The following MCM9 variants were observed in gnomAD, a reference collection of about 807,000 sequenced individuals.
MCM9 encodes the protein DNA helicase MCM9.
Under a neutral mutation model 72.8 loss-of-function variants are expected in MCM9, and 55 were observed. The observed-to-expected ratio is 0.76, with a 90% CI of 0.61 to 0.95. The LOEUF is 0.95. Ranked by LOEUF, MCM9 falls within the 40% of genes least tolerant of loss-of-function variation. The pLI is 0.00. For missense variants in MCM9, 1,279 were observed against 1,377.0 expected (o/e 0.93, Z 1.13); for synonymous variants, 480 against 503.4 (o/e 0.95, Z 0.62).
chr6:118,835,567 T>A (rs1164707976), intron 9 of MCM9, among the ~76,000 whole-genome samples: 1 of 152,234 alleles, frequency 6.6e-6, no homozygotes, highest in Non-Finnish European at 1.5e-5. Context: ...ATGTTTCACA[T>A]CCCTTGTAAG....
intron 8 of MCM9, among the ~76,000 whole-genome samples, chr6:118,862,313 T>A (rs1217593972): frequency 1.3e-5 from 2 of 152,140 alleles, no homozygotes; most frequent in East Asian, 3.9e-4. Context: ...CCCTGCCAGC[T>A]CCATGGAGCG....
chr6:118,831,942 G>T (rs888216773), intron 9 of MCM9, among the ~76,000 whole-genome samples: 2 of 152,106 alleles, frequency 1.3e-5, no homozygotes, highest in Non-Finnish European at 2.9e-5. Flanking sequence ...CTTCCCCAAG[G>T]TTACACTGAG....
chr6:118,880,308 G>A (rs1439917796), intron 8 of MCM9, among the ~76,000 whole-genome samples: 2 of 152,180 alleles, frequency 1.3e-5, no homozygotes, highest in Admixed American at 1.3e-4. Flanking sequence ...GGAACTGTTG[G>A]AAACTCGAGG....
chr6:118,911,599 T>G (rs1780548330), intron 8 of MCM9, 51 bp downstream of exon 8: 1 of 1,558,398 alleles, frequency 6.4e-7, no homozygotes, highest in African/African-American at 1.4e-5. Flanking sequence ...AAAACCATTG[T>G]GTTAACTTCT....
chr6:118,848,020 T>A (rs1367976833), intron 9 of MCM9, among the ~76,000 whole-genome samples: 2 of 151,826 alleles, frequency 1.3e-5, no homozygotes, highest in Non-Finnish European at 2.9e-5. Flanking sequence ...TTCAAGACAA[T>A]AATCAGGAGC....
intron 8 of MCM9, among the ~76,000 whole-genome samples, chr6:118,898,057 T>C (rs1779554311): frequency 1.3e-5 from 2 of 152,206 alleles, no homozygotes; most frequent in Admixed American, 1.3e-4. Context: ...AGAAAGAATT[T>C]ATCTTCCCAG....
chr6:118,840,127 T>C (rs746434359), intron 9 of MCM9, among the ~76,000 whole-genome samples: 2 of 151,784 alleles, frequency 1.3e-5, no homozygotes, highest in Non-Finnish European at 2.9e-5. Flanking sequence ...GTCCAGAGAG[T>C]GACTTAATAC....
At chr6:118,831,624 TA>T (rs199563290) in intron 9 of MCM9, among the ~76,000 whole-genome samples, 14,837 of 151,868 alleles carry the variant, frequency 0.098, 1,144 homozygotes, top group African/African-American at 0.2. Flanking sequence ...AAACATTTTT[TA>T]AAAAAACTAA....
At position 118,856,371 on chromosome 6, in the gene MCM9, C is replaced by A; in HGVS notation, c.1325G>T (p.Gly442Val). 1 of 1,529,416 alleles carries A rather than the reference C, an allele frequency of 6.5e-7. No individual in the cohort carries two copies. The highest frequency in any genetic ancestry group is 1.2e-5 in the South Asian group (1 of 82,452). The allele number at this position is 1,529,416 out of a possible 1,614,324, so 94.7% of individuals were successfully genotyped here. ...CCATAGATTTTAAAGAAACTCTTAC[C>A]CAGCCTTAGCAACACTTATGGTTTG... ...EQQTISVAKA[G>V]LVCKLNTRTT... Residue 442 changes from glycine (G) to valine (V), a missense_variant and splice_region_variant, in exon 9 of 14, where the codon GGC becomes GTC. By Grantham distance (109) the Gly-to-Val change is moderately radical. Transcript: ENST00000619706.
chr6:118,855,931 T>C (rs934242169), intron 9 of MCM9, among the ~76,000 whole-genome samples: 3 of 152,218 alleles, frequency 2.0e-5, no homozygotes, highest in Middle Eastern at 3.2e-3. Context: ...TATTTACTAT[T>C]TAGTATTCCA....
chr6:118,816,044 T>C lies in MCM9; in HGVS notation c.2212A>G (p.Arg738Gly). ...TCAAACCAATCTAAACTGTCATCTC[T>C]GTTATTTTTGTGCTGAGCTGAATGT... ...RKHSAQHKNN[R>G]DDSLDWFDFM... Residue 738 changes from arginine to glycine, a missense_variant, in exon 14 of 14, where the codon AGA (arginine) becomes GGA (glycine). Coordinates refer to ENST00000619706, the MANE Select transcript of MCM9 (RefSeq NM_017696.3). 6.4e-7 allele frequency: 1 copy of C among 1,550,464 alleles called. No individual in the cohort carries two copies. The highest frequency in any genetic ancestry group is 8.7e-7 in the Non-Finnish European group (1 of 1,146,882).
At chr6:118,865,490 C>T (rs1369928058) in intron 8 of MCM9, among the ~76,000 whole-genome samples, 1 of 152,162 alleles carries the variant, frequency 6.6e-6, no homozygotes, top group African/African-American at 2.4e-5. Flanking sequence ...ACGGCTACAT[C>T]CCCTTGGAAA....
chr6:118,903,887 C>T (rs1469463836), intron 8 of MCM9, among the ~76,000 whole-genome samples: 1 of 152,044 alleles, frequency 6.6e-6, no homozygotes, highest in Non-Finnish European at 1.5e-5. Context: ...GTGCTCAGAG[C>T]GTGAAAAGAT....
At position 118,815,639 on chromosome 6, in the gene MCM9, G is replaced by A. The variant is rs754525843; in HGVS notation, c.2617C>T (p.Pro873Ser). Residue 873 changes from proline to serine, a missense_variant, in exon 14 of 14, where the codon CCT becomes TCT. Physicochemically the swap from Pro to Ser is moderately conservative, Grantham distance 74. Transcript: ENST00000619706. ...STRVPAQCTVPSHPQSTPVHS... is the reference protein window; with the variant it reads ...STRVPAQCTVSSHPQSTPVHS... ...ACAGGAGTGGACTGAGGATGGGAAG[G>A]GACTGTGCACTGTGCAGGCACCCTG... 108 of 1,550,322 alleles carry A rather than the reference G, an allele frequency of 7.0e-5. 2 individuals carry two copies. The South Asian group carries it at 1.2e-3, about 18-fold the overall frequency.
intron 8 of MCM9, among the ~76,000 whole-genome samples, chr6:118,858,967 T>C (rs1303143147): frequency 2.0e-5 from 3 of 152,214 alleles, no homozygotes; most frequent in Middle Eastern, 3.4e-3. Flanking sequence ...GCAAAGGAGA[T>C]AGAAGAGCCA....
intron 8 of MCM9, among the ~76,000 whole-genome samples, chr6:118,906,457 C>G (rs952090193): frequency 6.6e-6 from 1 of 152,254 alleles, no homozygotes; most frequent in East Asian, 1.9e-4. Context: ...TGATTCTGTT[C>G]ATTTCAACCT....
At chr6:118,837,564 C>T (rs1775048334) in intron 9 of MCM9, among the ~76,000 whole-genome samples, 1 of 152,170 alleles carries the variant, frequency 6.6e-6, no homozygotes, top group Non-Finnish European at 1.5e-5. Context: ...GTATTGGTTG[C>T]ATATATATTC....
chr6:118,930,825 C>T (rs1327070379), intron 3 of MCM9, among the ~76,000 whole-genome samples: 1 of 152,160 alleles, frequency 6.6e-6, no homozygotes, highest in Non-Finnish European at 1.5e-5. Context: ...ATCCATCCTA[C>T]TAAAAAATCA....
chr6:118,883,908 A>G (rs1369529243), intron 8 of MCM9, among the ~76,000 whole-genome samples: 3 of 152,222 alleles, frequency 2.0e-5, no homozygotes, highest in Non-Finnish European at 4.4e-5. Context: ...GCACTGGCAA[A>G]GGTAATTATG....
Sources: gnomAD v4.1 joint callset for allele counts (sites outside exome capture counted in the v4.1 genomes callset) on GRCh38, gnomAD v4.1.1 for gene constraint, MANE v1.5 for transcripts, NCBI Gene and HGNC (gene_info 2026-07-23, HGNC 2026-07-21) for gene names.